The following TMEM161B variants were observed in gnomAD, a reference collection of about 807,000 sequenced individuals.
TMEM161B encodes transmembrane protein 161B.
TMEM161B carries 34 observed loss-of-function variants against 61.8 expected under a neutral mutation model. That is an observed-to-expected ratio of 0.55 (90% CI 0.42 to 0.73). TMEM161B has a LOEUF of 0.73. Among genes scored for constraint, TMEM161B ranks in the 30% least tolerant of loss-of-function variants. The pLI is 0.00. For synonymous variants in TMEM161B, 167 were observed against 192.8 expected (o/e 0.87, Z 1.11); for missense variants, 456 against 558.5 (o/e 0.82, Z 1.85).
intron 1 of TMEM161B, among the ~76,000 whole-genome samples, chr5:88,244,963 GCT>G (rs1753374084): frequency 6.6e-6 from 1 of 151,816 alleles, no homozygotes; most frequent in Non-Finnish European, 1.5e-5. Flanking sequence ...GTATAGGAAT[GCT>G]ACTGATTTTT....
intron 2 of TMEM161B, among the ~76,000 whole-genome samples, chr5:88,234,224 A>G (rs1302934454): frequency 6.6e-6 from 1 of 152,196 alleles, no homozygotes; most frequent in Non-Finnish European, 1.5e-5. Context: ...TTAAAGATAA[A>G]GAAGAGGGGC....
intron 1 of TMEM161B, among the ~76,000 whole-genome samples, chr5:88,267,048 G>A (rs1276216887): frequency 3.3e-5 from 5 of 152,168 alleles, no homozygotes. Flanking sequence ...TGACTATGAT[G>A]AACTTAAGTA....
intron 1 of TMEM161B, among the ~76,000 whole-genome samples, chr5:88,266,044 A>G (rs924602886): frequency 2.0e-5 from 3 of 152,258 alleles, no homozygotes; most frequent in African/African-American, 7.2e-5. Flanking sequence ...TAAATTTCCT[A>G]TAGACTTGTC....
chr5:88,196,612 TTAA>T, intron 11 of TMEM161B, 124 bp from the exon 12 acceptor site: 2 of 1,014,364 alleles, frequency 2.0e-6, no homozygotes, highest in East Asian at 5.6e-5. Flanking sequence ...TCATTTTATG[TTAA>T]AAATAAAGTA....
chr5:88,226,414 T>G (rs952600389), intron 3 of TMEM161B, among the ~76,000 whole-genome samples: 1 of 152,178 alleles, frequency 6.6e-6, no homozygotes, highest in Non-Finnish European at 1.5e-5. Context: ...ATTCCCAAAT[T>G]TAATTTTTAA....
chr5:88,242,990 A>G (rs1362715402), intron 1 of TMEM161B, among the ~76,000 whole-genome samples: 2 of 151,812 alleles, frequency 1.3e-5, no homozygotes, highest in Non-Finnish European at 2.9e-5. Context: ...TTAATTAGTA[A>G]AAGATCAATT....
At chr5:88,192,711 G>T (rs1205245667), downstream of TMEM161B, among the ~76,000 whole-genome samples, 1 of 152,190 alleles carries the variant, frequency 6.6e-6, no homozygotes, top group Non-Finnish European at 1.5e-5. Context: ...GACACAGGAT[G>T]ATCTGCATTT....
intron 5 of TMEM161B, among the ~76,000 whole-genome samples, chr5:88,216,100 T>C (rs963624965): frequency 1.3e-5 from 2 of 151,898 alleles, no homozygotes; most frequent in Admixed American, 1.3e-4. Context: ...TCTATAAAAA[T>C]TAAAAATTAG....
chr5:88,211,328 C>T (rs1167984355), intron 5 of TMEM161B, among the ~76,000 whole-genome samples: 2 of 149,330 alleles, frequency 1.3e-5, no homozygotes, highest in Non-Finnish European at 3.0e-5. Flanking sequence ...TAAAGCTAGA[C>T]AAAGATGAAT....
chr5:88,212,567 C>G (rs904488886), intron 5 of TMEM161B, among the ~76,000 whole-genome samples: 1 of 152,210 alleles, frequency 6.6e-6, no homozygotes, highest in Non-Finnish European at 1.5e-5. Context: ...GCGGCTCACA[C>G]CTGTAATCCT....
At position 88,196,133 on chromosome 5, in the gene TMEM161B, G is replaced by C; in HGVS notation, c.*78C>G. ...TTTCCCATTGTATTTGCTTTCTTCT[G>C]GTTTTCATCAGCCCTTTAAGGGCAC... On this transcript the variant is annotated 3_prime_UTR_variant, in exon 12 of 12. Coordinates refer to ENST00000296595, the MANE Select transcript of TMEM161B (RefSeq NM_153354.5). 3 of 1,499,266 alleles carry C rather than the reference G, an allele frequency of 2.0e-6. No individual in the cohort carries two copies. Among genetic ancestry groups the C allele is most frequent in the Non-Finnish European group, 1.8e-6 (2 of 1,128,450 alleles). 92.9% of individuals were successfully genotyped at this position (1,499,266 alleles called of 1,614,324 possible).
chr5:88,189,996 G>A (rs114014589), exon 13 of TMEM161B: 12,902 of 692,462 alleles, frequency 0.019, 169 homozygotes, highest in Middle Eastern at 0.036. Context: ...AGCCACAAAC[G>A]CCAGCCCATT....
At chr5:88,262,713 C>T (rs915312580) in intron 1 of TMEM161B, among the ~76,000 whole-genome samples, 1 of 151,952 alleles carries the variant, frequency 6.6e-6, no homozygotes, top group African/African-American at 2.4e-5. Flanking sequence ...CAAGAATGAA[C>T]CCCAAAGTAC....
chr5:88,232,177 A>G (rs1164171074), intron 2 of TMEM161B, among the ~76,000 whole-genome samples: 2 of 152,158 alleles, frequency 1.3e-5, no homozygotes, highest in Non-Finnish European at 2.9e-5. Context: ...TAAAAAGGAG[A>G]TTTGTTTACA....
At position 88,236,737 on chromosome 5, in the gene TMEM161B, T is replaced by C. The variant is rs150353793; in HGVS notation, c.107+4076A>G. Among the ~76,000 whole-genome samples the C allele has an allele frequency of 3.3e-5, 5 of 152,320 alleles. No individual in the cohort carries two copies. The East Asian group carries it at 9.6e-4, about 29-fold the overall frequency. On this transcript the variant is annotated intron_variant, in intron 2 of 11. Coordinates refer to ENST00000296595, the MANE Select transcript of TMEM161B (RefSeq NM_153354.5). The stretch of plus-strand genomic sequence containing the variant: ...GGTAATCAAATGCTGATGTGCCTTT[T>C]AATTTAATTTAAAATAAAAGCTGAT...
chr5:88,267,663 T>C (rs1756570077), intron 1 of TMEM161B, among the ~76,000 whole-genome samples: 1 of 152,138 alleles, frequency 6.6e-6, no homozygotes, highest in Non-Finnish European at 1.5e-5. Context: ...TGCCCCCGTT[T>C]GTGTTCTGAG....
In TMEM161B at chr5:88,209,670, C is replaced by T. The variant is rs138460162; in HGVS notation, c.447-2490G>A. ...TGCATACTGGATAAATCTTAAAAAC[C>T]TAATTATTTATTGAGTTCCACATTA... On this transcript the variant is annotated intron_variant, in intron 5 of 11. Coordinates refer to ENST00000296595, the MANE Select transcript of TMEM161B (RefSeq NM_153354.5). Among the ~76,000 whole-genome samples the T allele has an allele frequency of 5.1e-4, 78 of 152,222 alleles. No homozygotes were observed. In the Middle Eastern group the frequency reaches 0.027, roughly 53 times the overall value.
At chr5:88,223,586 C>G (rs769332460) in intron 4 of TMEM161B, among the ~76,000 whole-genome samples, 4 of 151,882 alleles carry the variant, frequency 2.6e-5, no homozygotes, top group Non-Finnish European at 4.4e-5. Context: ...AAGACATAAC[C>G]AGTCTTAAAA....
chr5:88,185,570 T>C (rs1450746234), downstream of TMEM161B, among the ~76,000 whole-genome samples: 1 of 152,148 alleles, frequency 6.6e-6, no homozygotes, highest in Non-Finnish European at 1.5e-5. Flanking sequence ...GACAAGAACA[T>C]TGAATCTGCT....
Sources: allele counts gnomAD v4.1 joint callset (sites outside exome capture counted in the v4.1 genomes callset), GRCh38; gene constraint gnomAD v4.1.1; transcripts MANE v1.5; gene names NCBI Gene and HGNC (gene_info 2026-07-23, HGNC 2026-07-21).